Variants in XKR4 observed in about 807,000 individuals in gnomAD.
XKR4 encodes the protein XK related 4.
Under a neutral mutation model 53.9 loss-of-function variants are expected in XKR4, and 12 were observed. That is an observed-to-expected ratio of 0.22 (90% CI 0.14 to 0.36). XKR4 has a LOEUF of 0.36. Among genes scored for constraint, XKR4 ranks in the 10% least tolerant of loss-of-function variants. The pLI, the probability that XKR4 is intolerant of heterozygous loss-of-function variation, is 1.00. For synonymous variants in XKR4, 354 were observed against 362.4 expected, an observed-to-expected ratio of 0.98 and a Z score of 0.26; for missense variants, 799 against 859.5, an observed-to-expected ratio of 0.93 and a Z score of 0.88.
intron 2 of XKR4, among the ~76,000 whole-genome samples, chr8:55,485,532 A>G (rs1372940888): frequency 6.6e-6 from 1 of 152,188 alleles, no homozygotes; most frequent in East Asian, 1.9e-4. Flanking sequence ...CAAAGGAAAT[A>G]CTTAGGTCTA....
chr8:55,203,085 G>C (rs1434212729), intron 1 of XKR4, among the ~76,000 whole-genome samples: 1 of 152,252 alleles, frequency 6.6e-6, no homozygotes, highest in Non-Finnish European at 1.5e-5. Flanking sequence ...GGGGTAAGGA[G>C]CTTGGCACAG....
At chr8:55,142,279 G>GCT (rs1816716929) in intron 1 of XKR4, 1 of 437,548 alleles carries the variant, frequency 2.3e-6, no homozygotes, top group Admixed American at 2.4e-5. Flanking sequence ...CATTCTCCTG[G>GCT]ATAAGGAAAG....
At chr8:55,117,038 C>T (rs375353120) in intron 1 of XKR4, among the ~76,000 whole-genome samples, 2 of 152,022 alleles carry the variant, frequency 1.3e-5, no homozygotes, top group Non-Finnish European at 2.9e-5. Context: ...TCTGATTTCA[C>T]GTTGAACCAA....
chr8:55,337,945 G>A (rs904209010), intron 1 of XKR4, among the ~76,000 whole-genome samples: 1 of 152,178 alleles, frequency 6.6e-6, no homozygotes, highest in African/African-American at 2.4e-5. Flanking sequence ...TCAATATGAA[G>A]GGTCTTCCTT....
At chr8:55,188,405 G>A (rs1817405885) in intron 1 of XKR4, among the ~76,000 whole-genome samples, 1 of 152,028 alleles carries the variant, frequency 6.6e-6, no homozygotes, top group South Asian at 2.1e-4. Context: ...CAACTTTGAG[G>A]TCTTATAATA....
At chr8:55,358,251 T>G (rs901018344) in intron 2 of XKR4, among the ~76,000 whole-genome samples, 1 of 152,174 alleles carries the variant, frequency 6.6e-6, no homozygotes, top group Non-Finnish European at 1.5e-5. Flanking sequence ...TACATATGTG[T>G]GTATGCATGT....
Position 55,381,287 on chromosome 8 carries a change from T to C in XKR4, c.1006+23410T>C, listed in dbSNP as rs543308276. The stretch of plus-strand genomic sequence containing the variant: ...CTCTTTCTTTTAACTGAGAAAACTT[T>C]TATCTTTGTTGCCAAGGCACATAAT... On this transcript the variant is annotated intron_variant, in intron 2 of 2. Transcript: ENST00000327381. Among the ~76,000 whole-genome samples, 7 of 152,358 alleles carry C rather than the reference T, an allele frequency of 4.6e-5. 1 individual carries two copies. Among genetic ancestry groups the C allele is most frequent in the Admixed American group, 2.0e-4 (3 of 15,312 alleles).
chr8:55,324,229 G>A (rs1360346239), intron 1 of XKR4, among the ~76,000 whole-genome samples: 2 of 152,096 alleles, frequency 1.3e-5, no homozygotes, highest in African/African-American at 4.8e-5. Flanking sequence ...ATGAGTAGCT[G>A]GGCCTACAGG....
chr8:55,450,096 G>A (rs1413495199), intron 2 of XKR4: 2 of 715,596 alleles, frequency 2.8e-6, no homozygotes, highest in Non-Finnish European at 5.1e-6. Flanking sequence ...CGCGGTCCCA[G>A]GTGTCCTTCC....
intron 1 of XKR4, among the ~76,000 whole-genome samples, chr8:55,278,851 T>C (rs750584590): frequency 6.6e-6 from 1 of 152,184 alleles, no homozygotes; most frequent in Non-Finnish European, 1.5e-5. Context: ...TGTTTAGTAT[T>C]TCAAAGTCTT....
At chr8:55,481,809 T>C (rs1027033969) in intron 2 of XKR4, among the ~76,000 whole-genome samples, 6 of 152,134 alleles carry the variant, frequency 3.9e-5, no homozygotes, top group Non-Finnish European at 8.8e-5. Flanking sequence ...TCATCATCAC[T>C]GGCCATCAGA....
intron 2 of XKR4, among the ~76,000 whole-genome samples, chr8:55,501,744 G>T (rs1375825000): frequency 6.6e-6 from 1 of 151,880 alleles, no homozygotes; most frequent in African/African-American, 2.4e-5. Context: ...AAACATTTGG[G>T]TTGTTTCCAC....
At chr8:55,289,631 AAG>A (rs1455489795) in intron 1 of XKR4, among the ~76,000 whole-genome samples, 1 of 139,420 alleles carries the variant, frequency 7.2e-6, no homozygotes, top group Admixed American at 7.2e-5. Context: ...GAAAGAAAGA[AAG>A]AAAGAAAGAA....
chr8:55,150,448 T>C (rs1816825674), intron 1 of XKR4, among the ~76,000 whole-genome samples: 1 of 152,212 alleles, frequency 6.6e-6, no homozygotes, highest in Non-Finnish European at 1.5e-5. Context: ...TAAAATATAA[T>C]TTGAGCATGC....
intron 2 of XKR4, chr8:55,454,500 C>G (rs751425282): frequency 7.2e-5 from 89 of 1,240,334 alleles, no homozygotes; most frequent in Non-Finnish European, 6.0e-5. Context: ...AAAGACAGTA[C>G]GTTGGTGATG....
At chr8:55,239,358 C>T (rs1818176319) in intron 1 of XKR4, among the ~76,000 whole-genome samples, 1 of 152,184 alleles carries the variant, frequency 6.6e-6, no homozygotes. Flanking sequence ...AAAGCCTGTG[C>T]TCAACCATAT....
chr8:55,178,464 A>G (rs1472922623), intron 1 of XKR4, among the ~76,000 whole-genome samples: 1 of 152,250 alleles, frequency 6.6e-6, no homozygotes, highest in African/African-American at 2.4e-5. Flanking sequence ...TACAATGCCT[A>G]TCATATTTTA....
chr8:55,332,940 A>G (rs1009426008), intron 1 of XKR4, among the ~76,000 whole-genome samples: 4 of 148,126 alleles, frequency 2.7e-5, no homozygotes, highest in African/African-American at 1.0e-4. Flanking sequence ...TTTTCCTCAG[A>G]CTTGACAATT....
chr8:55,437,482 C>T (rs1767656828), intron 2 of XKR4, among the ~76,000 whole-genome samples: 1 of 152,154 alleles, frequency 6.6e-6, no homozygotes, highest in Admixed American at 6.6e-5. Flanking sequence ...TCCAAGGCTT[C>T]CCTCACTCTA....
Sources: allele counts gnomAD v4.1 joint callset (sites outside exome capture counted in the v4.1 genomes callset), GRCh38; gene constraint gnomAD v4.1.1; transcripts MANE v1.5; gene names NCBI Gene and HGNC (gene_info 2026-07-23, HGNC 2026-07-21).